Variants in KIF13A observed in about 807,000 individuals in gnomAD.
KIF13A encodes kinesin family member 13A.
In KIF13A, 79 loss-of-function variants were observed where a neutral mutation model predicts 212.2. That is an observed-to-expected ratio of 0.37 (90% CI 0.31 to 0.45). The LOEUF is 0.45. Ranked by LOEUF, KIF13A falls within the 20% of genes least tolerant of loss-of-function variation. KIF13A has a pLI of 1.00. For synonymous variants in KIF13A, 789 were observed against 808.6 expected (o/e 0.98, Z 0.41); for missense variants, 1,901 against 2,209.0 (o/e 0.86, Z 2.79).
At position 17,783,133 on chromosome 6, in the gene KIF13A, TTCTACACA is replaced by T. The variant is rs1322554444; in HGVS notation, c.3544+505_3544+512del. 6.6e-6 allele frequency among the ~76,000 whole-genome samples: 1 copy of T among 152,312 alleles called. No homozygotes were observed. Among genetic ancestry groups the T allele is most frequent in the East Asian group, 1.9e-4 (1 of 5,188 alleles). ...CAAACTCAGCAACTCTGCCGTTGTT[TTCTACACA>T]TGGGGTTCCAGTTAATATTTCGTTT... is the stretch of plus-strand genomic sequence containing the variant. On this transcript the variant is annotated intron_variant, in intron 29 of 38. Transcript: ENST00000259711. This position sits in a 1 kb window ranked among gnomAD's most constrained non-coding sequence, Gnocchi z 4.3.
chr6:17,862,492 T>A (rs549275197), intron 4 of KIF13A, among the ~76,000 whole-genome samples: 1 of 152,286 alleles, frequency 6.6e-6, no homozygotes, highest in African/African-American at 2.4e-5. Flanking sequence ...TTTTGTGGCA[T>A]AATCCAATTT....
Position 17,900,142 on chromosome 6 carries a change from T to C in KIF13A, c.147-1962A>G, listed in dbSNP as rs552789573. 5.3e-5 allele frequency among the ~76,000 whole-genome samples: 8 copies of C among 152,304 alleles called. No homozygotes were observed. The South Asian group carries it at 1.4e-3, about 28-fold the overall frequency. Reference sequence around the variant, plus strand: ...AAGGTAATTAAATATAGGTTTCCCATTTATGTTATGATGAACCCAGTAACC... The same window carrying C: ...AAGGTAATTAAATATAGGTTTCCCACTTATGTTATGATGAACCCAGTAACC... On this transcript the variant is annotated intron_variant, in intron 2 of 38. Transcript: ENST00000259711. This position sits in a 1 kb window ranked among gnomAD's most constrained non-coding sequence, Gnocchi z 4.6.
intron 17 of KIF13A, among the ~76,000 whole-genome samples, chr6:17,814,260 T>G (rs1763719010): frequency 6.9e-6 from 1 of 145,184 alleles, no homozygotes; most frequent in African/African-American, 2.6e-5. Context: ...TTTTTTTTTT[T>G]TTTTTTTTGA....
Position 17,764,784 on chromosome 6 carries a change from A to T in KIF13A, c.4744T>A (p.Leu1582Met). ...GGGCTACGGGACACTTCTTTCTCCA[A>T]GACCCGTGAGTTTGACAGATCTACT... ...SKVDLSNSRV[L>M]EKEVSRSPTT... The change falls in exon 39 of 39, where the codon TTG (leucine) becomes ATG (methionine). Residue 1582 changes from leucine to methionine, a missense_variant. Physicochemically the swap from Leu to Met is conservative, Grantham distance 15. Around this residue, in one of 5 missense-constraint regions of KIF13A, gnomAD observed 687 missense variants for 759.1 expected, o/e 0.90. Coordinates refer to ENST00000259711, the MANE Select transcript of KIF13A (RefSeq NM_022113.6). This position sits in a 1 kb window ranked among gnomAD's most constrained non-coding sequence, Gnocchi z 5.1. 1 of 1,613,252 alleles carries T rather than the reference A, an allele frequency of 6.2e-7. No individual in the cohort carries two copies. The highest frequency in any genetic ancestry group is 1.7e-5 in the Admixed American group (1 of 59,854).
chr6:17,936,210 G>A (rs1009174201), intron 2 of KIF13A, among the ~76,000 whole-genome samples: 1 of 152,164 alleles, frequency 6.6e-6, no homozygotes, highest in Admixed American at 6.5e-5. Flanking sequence ...GTGCAATGGT[G>A]GGATCTTGGC....
chr6:17,805,697 C>G (rs1762880068), intron 18 of KIF13A, 82 bp from the exon 19 acceptor site: 3 of 1,298,038 alleles, frequency 2.3e-6, no homozygotes, highest in Non-Finnish European at 3.2e-6. Context: ...AACAGTAACA[C>G]AGTAAGTTTG....
At chr6:17,965,791 C>T (rs1317714629) in intron 2 of KIF13A, among the ~76,000 whole-genome samples, 5 of 152,300 alleles carry the variant, frequency 3.3e-5, no homozygotes, top group South Asian at 2.1e-4. Flanking sequence ...TAAGGAATAA[C>T]CACAAACTCA....
intron 3 of KIF13A, among the ~76,000 whole-genome samples, chr6:17,893,393 G>A (rs1421293282): frequency 6.6e-6 from 1 of 152,038 alleles, no homozygotes; most frequent in East Asian, 1.9e-4. Context: ...ATGTTTTGAT[G>A]GTTAAAAATT....
chr6:17,847,046 G>A (rs547791861), intron 9 of KIF13A, among the ~76,000 whole-genome samples: 2 of 152,284 alleles, frequency 1.3e-5, no homozygotes, highest in South Asian at 4.1e-4. Context: ...ATTGCATATG[G>A]AGCATTCAGA....
intron 2 of KIF13A, among the ~76,000 whole-genome samples, chr6:17,935,169 ATTT>A (rs1246155947): frequency 6.6e-6 from 1 of 152,138 alleles, no homozygotes; most frequent in Non-Finnish European, 1.5e-5. Flanking sequence ...GATTGGAAAT[ATTT>A]TTTTCTTATC....
chr6:17,987,158 G>C lies in KIF13A; in HGVS notation c.56-14C>G. On this transcript the variant is annotated splice_polypyrimidine_tract_variant and intron_variant, in intron 1 of 38. Coordinates refer to ENST00000259711, the MANE Select transcript of KIF13A (RefSeq NM_022113.6). This position sits in a 1 kb window ranked among gnomAD's most constrained non-coding sequence, Gnocchi z 7.7. ...TCAGTTCCAGTTCTGAAAGCAGAGA[G>C]AAAGGGACGTTGCAAAGTCCAGCAT... is the stretch of plus-strand genomic sequence containing the variant. The C allele has an allele frequency of 6.2e-7, 1 of 1,601,512 alleles. No homozygotes were observed. Among genetic ancestry groups the C allele is most frequent in the Non-Finnish European group, 8.5e-7 (1 of 1,170,110 alleles).
In KIF13A at chr6:17,849,586, C is replaced by T; in HGVS notation, c.718-97G>A. The T allele has an allele frequency of 2.6e-6, 2 of 761,444 alleles. No homozygotes were observed. Among genetic ancestry groups the T allele is most frequent in the Non-Finnish European group, 4.2e-6 (2 of 477,784 alleles). The allele number at this position is 761,444 out of a possible 1,614,324, so 47.2% of individuals were successfully genotyped here. A position where few individuals can be genotyped will look rare whatever the true frequency, so the allele number is the denominator to read the frequency against. ...AGCACTATAATTGAGCAATCCATCC[C>T]ACTCTCATATGGCAAATTTCTTAAG... On this transcript the variant is annotated intron_variant, in intron 8 of 38. Transcript: ENST00000259711. This position sits in a 1 kb window ranked among gnomAD's most constrained non-coding sequence, Gnocchi z 5.7.
intron 2 of KIF13A, among the ~76,000 whole-genome samples, chr6:17,901,339 T>C (rs1773043353): frequency 6.6e-6 from 1 of 152,110 alleles, no homozygotes; most frequent in African/African-American, 2.4e-5. Context: ...GATATTACAA[T>C]GTAAAAATAA....
chr6:17,962,306 G>A (rs925609806), intron 2 of KIF13A, among the ~76,000 whole-genome samples: 5 of 151,550 alleles, frequency 3.3e-5, no homozygotes, highest in African/African-American at 4.9e-5. Context: ...GAAAGACTCC[G>A]TCTCAAAAAA....
At chr6:17,813,948 CTTTTTT>C (rs36144211) in intron 17 of KIF13A, among the ~76,000 whole-genome samples, 8 of 90,706 alleles carry the variant, frequency 8.8e-5, no homozygotes, top group Admixed American at 2.5e-4. Flanking sequence ...TAAGGTGCTG[CTTTTTT>C]TTTTTTTTTT....
chr6:17,790,328 G>A (rs775731718), intron 25 of KIF13A, among the ~76,000 whole-genome samples: 12 of 152,114 alleles, frequency 7.9e-5, no homozygotes, highest in East Asian at 3.9e-4. Context: ...TCACTTGAGC[G>A]GAGGAGATGG....
chr6:17,888,868 AAAT>A lies in KIF13A; in HGVS notation c.159+9297_159+9299del, dbSNP rs1443159110. Among the ~76,000 whole-genome samples, 4 of 152,010 alleles carry A rather than the reference AAAT, an allele frequency of 2.6e-5. No homozygotes were observed. The highest frequency in any genetic ancestry group is 4.4e-5 in the Non-Finnish European group (3 of 67,998). On this transcript the variant is annotated intron_variant, in intron 3 of 38. Coordinates refer to ENST00000259711, the MANE Select transcript of KIF13A (RefSeq NM_022113.6). This position sits in a 1 kb window ranked among gnomAD's most constrained non-coding sequence, Gnocchi z 4.8. ...AAAGAGATGAAATAATTTAATATAA[AAAT>A]AATAATATATTTAACCAAATATATA... is the stretch of plus-strand genomic sequence containing the variant.
chr6:17,784,440 A>G (rs141338727), intron 28 of KIF13A, among the ~76,000 whole-genome samples: 118 of 152,146 alleles, frequency 7.8e-4, no homozygotes, highest in African/African-American at 2.7e-3. Context: ...AAACAAACAA[A>G]AAAACCCAAC....
intron 2 of KIF13A, among the ~76,000 whole-genome samples, chr6:17,946,878 C>CG (rs2150564042): frequency 6.6e-6 from 1 of 152,288 alleles, no homozygotes; most frequent in East Asian, 1.9e-4. Flanking sequence ...AATTCAGCTA[C>CG]GTGCATCAAC....
Sources: gnomAD v4.1 joint callset for allele counts (sites outside exome capture counted in the v4.1 genomes callset) on GRCh38, gnomAD v4.1.1 for gene constraint, gnomAD v4.1.1 regional missense constraint, Gnocchi (gnomAD v3.1) non-coding constraint, MANE v1.5 for transcripts, NCBI Gene and HGNC (gene_info 2026-07-23, HGNC 2026-07-21) for gene names.